ENTREP2: variants seen among roughly 807,000 people sequenced by gnomAD.
ENTREP2 encodes the protein protein ENTREP2.
chr15:29,499,845 C>T, the ENTREP2 span, among the ~76,000 whole-genome samples: 1 of 151,966 alleles, frequency 6.6e-6, no homozygotes, highest in Non-Finnish European at 1.5e-5. Flanking sequence ...TGTATGCTGT[C>T]TACAAGAGAC....
At chr15:29,644,442 T>A in the ENTREP2 span, among the ~76,000 whole-genome samples, 1 of 152,190 alleles carries the variant, frequency 6.6e-6, no homozygotes, top group Non-Finnish European at 1.5e-5. Context: ...AAGCCGGTTA[T>A]CGAAAGGAGT....
chr15:29,373,125 T>C, the ENTREP2 span, among the ~76,000 whole-genome samples: 2 of 151,588 alleles, frequency 1.3e-5, no homozygotes, highest in Non-Finnish European at 2.9e-5. Context: ...TGGGATAAAA[T>C]ATTAGTCACT....
At chr15:29,136,886 G>A in the ENTREP2 span, 3 of 737,128 alleles carry the variant, frequency 4.1e-6, no homozygotes, top group Admixed American at 1.2e-4. Flanking sequence ...AGGTGCCACG[G>A]GGAACGCTGT....
the ENTREP2 span, among the ~76,000 whole-genome samples, chr15:29,444,209 A>C: frequency 6.7e-6 from 1 of 148,584 alleles, no homozygotes; most frequent in Non-Finnish European, 1.5e-5. Context: ...AAAGAAAGAA[A>C]GAAAGAAAGA....
chr15:29,118,542 C>T, the ENTREP2 span, among the ~76,000 whole-genome samples: 11 of 152,230 alleles, frequency 7.2e-5, no homozygotes, highest in African/African-American at 2.7e-4. Context: ...GAGGTGCCAG[C>T]AATGCTACCA....
the ENTREP2 span, among the ~76,000 whole-genome samples, chr15:29,388,748 A>G: frequency 6.6e-6 from 1 of 152,312 alleles, no homozygotes; most frequent in East Asian, 1.9e-4. Context: ...GATTAAGAAA[A>G]TATGCCACAT....
the ENTREP2 span, among the ~76,000 whole-genome samples, chr15:29,142,824 A>C: frequency 6.6e-6 from 1 of 152,226 alleles, no homozygotes; most frequent in African/African-American, 2.4e-5. Context: ...GTGAAGAAGA[A>C]AACAATGTAT....
the ENTREP2 span, among the ~76,000 whole-genome samples, chr15:29,341,866 G>A: frequency 1.3e-5 from 2 of 152,178 alleles, no homozygotes; most frequent in African/African-American, 2.4e-5. Context: ...GTCAGATGAA[G>A]TCAGCAGCTT....
At chr15:29,334,693 G>A in the ENTREP2 span, among the ~76,000 whole-genome samples, 17 of 152,170 alleles carry the variant, frequency 1.1e-4, no homozygotes, top group African/African-American at 4.8e-5. Context: ...CTAGCCTCTC[G>A]CACACCGGCC....
the ENTREP2 span, among the ~76,000 whole-genome samples, chr15:29,310,359 G>A: frequency 3.9e-5 from 6 of 152,194 alleles, no homozygotes; most frequent in Non-Finnish European, 7.3e-5. Context: ...AACCAAGAAA[G>A]AAAGGGCCAG....
chr15:29,444,194 G>C, the ENTREP2 span, among the ~76,000 whole-genome samples: 168 of 129,458 alleles, frequency 1.3e-3, 2 homozygotes, highest in African/African-American at 4.9e-3. Flanking sequence ...AAGAAAGAAA[G>C]AAAGAAAGAA....
At chr15:29,154,408 T>G in the ENTREP2 span, among the ~76,000 whole-genome samples, 3 of 152,060 alleles carry the variant, frequency 2.0e-5, no homozygotes, top group Admixed American at 6.5e-5. Context: ...ACAGTCGAAG[T>G]GCAATATAGC....
At chr15:29,325,088 C>T in the ENTREP2 span, among the ~76,000 whole-genome samples, 1 of 152,108 alleles carries the variant, frequency 6.6e-6, no homozygotes, top group South Asian at 2.1e-4. Flanking sequence ...TTCTAAATAG[C>T]ATATGGTTGA....
chr15:29,566,703 C>T, the ENTREP2 span, among the ~76,000 whole-genome samples: 2 of 152,004 alleles, frequency 1.3e-5, no homozygotes, highest in Non-Finnish European at 2.9e-5. Context: ...GTGGTCCGCC[C>T]GCCTCAGTCT....
At chr15:29,517,223 G>A in the ENTREP2 span, among the ~76,000 whole-genome samples, 10 of 152,118 alleles carry the variant, frequency 6.6e-5, no homozygotes, top group Admixed American at 2.0e-4. Flanking sequence ...ATCTAGCCAC[G>A]GGAGGGAAAT....
chr15:29,483,907 C>T, the ENTREP2 span, among the ~76,000 whole-genome samples: 1 of 152,142 alleles, frequency 6.6e-6, no homozygotes, highest in African/African-American at 2.4e-5. Context: ...TGGCTATAGT[C>T]TACGTTTCAG....
chr15:29,548,536 A>G, the ENTREP2 span, among the ~76,000 whole-genome samples: 1 of 152,184 alleles, frequency 6.6e-6, no homozygotes, highest in Non-Finnish European at 1.5e-5. Flanking sequence ...TAAGCTGAAT[A>G]TACTGAAATA....
At chr15:29,351,819 T>TA in the ENTREP2 span, among the ~76,000 whole-genome samples, 4 of 111,548 alleles carry the variant, frequency 3.6e-5, no homozygotes, top group African/African-American at 1.2e-4. Flanking sequence ...TTTTTATTTT[T>TA]TTTTTGGTAG....
At chr15:29,124,831 C>T in the ENTREP2 span, 11 of 1,311,708 alleles carry the variant, frequency 8.4e-6, no homozygotes, top group Admixed American at 5.9e-5. Flanking sequence ...TATCATAACC[C>T]GCCTGTGACT....
Sources: allele counts gnomAD v4.1 joint callset (sites outside exome capture counted in the v4.1 genomes callset), GRCh38; gene constraint gnomAD v4.1.1; transcripts MANE v1.5; gene names NCBI Gene and HGNC (gene_info 2026-07-23, HGNC 2026-07-21).